The following ASMTL variants were observed in gnomAD, a reference collection of about 807,000 sequenced individuals.
ASMTL encodes probable bifunctional dTTP/UTP pyrophosphatase/methyltransferase protein.
A neutral mutation model predicts 60.3 loss-of-function variants in ASMTL; 57 were observed. The observed-to-expected ratio is 0.95, with a 90% CI of 0.76 to 1.18. The LOEUF (loss-of-function observed/expected upper bound fraction) is 1.18. Among genes scored for constraint, ASMTL ranks in the 50% most tolerant of loss-of-function variants. ASMTL has a pLI of 0.00. For synonymous variants in ASMTL, 419 were observed against 373.0 expected (o/e 1.12, Z -1.42); for missense variants, 981 against 852.6 (o/e 1.15, Z -1.88).
chrX:1,432,244 T>TCC, intron 6 of ASMTL, 25 bp downstream of exon 6: 3 of 1,559,290 alleles, frequency 1.9e-6, no homozygotes, highest in Non-Finnish European at 2.6e-6. Flanking sequence ...GTGTCCCCCG[T>TCC]CCCCCCACCG....
intron 1 of ASMTL, among the ~76,000 whole-genome samples, chrX:1,448,674 C>T (rs1167650724): frequency 6.6e-6 from 1 of 151,466 alleles, no homozygotes; most frequent in Non-Finnish European, 1.5e-5. Flanking sequence ...TGGAGACACA[C>T]CATCTTGGAC....
At chrX:1,443,969 T>G (rs1162135014) in intron 1 of ASMTL, among the ~76,000 whole-genome samples, 1 of 152,196 alleles carries the variant, frequency 6.6e-6, no homozygotes, top group African/African-American at 2.4e-5. Flanking sequence ...GGACACACAC[T>G]TCCATTTTAA....
intron 9 of ASMTL, among the ~76,000 whole-genome samples, 182 bp downstream of exon 9, chrX:1,421,476 C>A (rs1293295715): frequency 6.6e-6 from 1 of 152,144 alleles, no homozygotes; most frequent in African/African-American, 2.4e-5. Flanking sequence ...CTAAGTTGCA[C>A]CTGTTCCAGG....
In ASMTL at chrX:1,430,775, AAAAT is replaced by A. The variant is rs1466951854; in HGVS notation, c.509+1490_509+1493del. On this transcript the variant is annotated intron_variant, in intron 6 of 12. Coordinates refer to ENST00000381317, the MANE Select transcript of ASMTL (RefSeq NM_004192.4). ...TGACAGAGTGAGACCGTGTCTCAAA[AAAAT>A]AAATAAAATTATTTATATAAATATA... is the stretch of plus-strand genomic sequence containing the variant. 1.4e-4 allele frequency among the ~76,000 whole-genome samples: 21 copies of A among 146,710 alleles called. No homozygotes were observed. In the East Asian group the frequency reaches 3.5e-3, roughly 24 times the overall value.
chrX:1,435,557 C>A, intron 4 of ASMTL, 137 bp downstream of exon 4: 1 of 812,374 alleles, frequency 1.2e-6, no homozygotes, highest in Non-Finnish European at 2.1e-6. Flanking sequence ...ATAGCTCAGA[C>A]AGCACAGCTC....
rs2090919863 is a variant in ASMTL at position 1,434,907 on chromosome X, C to T, written c.400+115G>A. 5 of 1,100,688 alleles carry T rather than the reference C, an allele frequency of 4.5e-6. No homozygotes were observed. In the East Asian group the frequency reaches 1.2e-4, roughly 27 times the overall value. The allele number at this position is 1,100,688 out of a possible 1,614,324, so 68.2% of individuals were successfully genotyped here. A position where few individuals can be genotyped will look rare whatever the true frequency, so the allele number is the denominator to read the frequency against. On this transcript the variant is annotated intron_variant, in intron 5 of 12. Coordinates refer to ENST00000381317, the MANE Select transcript of ASMTL (RefSeq NM_004192.4). ...TCCCAAGCAGGACATAGGCACAAAC[C>T]CCTCCACAGGTGGGGGTGAGCAACC...
chrX:1,416,774 GACGT>G (rs2090293245), intron 11 of ASMTL, among the ~76,000 whole-genome samples: 2 of 75,250 alleles, frequency 2.7e-5, no homozygotes, highest in African/African-American at 4.4e-5. Context: ...TGCACACACA[GACGT>G]ACACACAAGC....
At chrX:1,431,295 A>G (rs1208269661) in intron 6 of ASMTL, among the ~76,000 whole-genome samples, 39 of 131,628 alleles carry the variant, frequency 3.0e-4, no homozygotes, top group African/African-American at 1.1e-3. Flanking sequence ...AATTAAATAT[A>G]TAAAATATAT....
chrX:1,418,470 G>C (rs56380419), intron 10 of ASMTL, among the ~76,000 whole-genome samples: 1 of 151,874 alleles, frequency 6.6e-6, no homozygotes, highest in East Asian at 1.9e-4. Context: ...CAGGGGTGGG[G>C]GCTGTACTCC....
intron 5 of ASMTL, among the ~76,000 whole-genome samples, chrX:1,432,691 T>C (rs2090831132): frequency 6.6e-6 from 1 of 151,616 alleles, no homozygotes; most frequent in Non-Finnish European, 1.5e-5. Flanking sequence ...TAGCCAGGCC[T>C]GGTAGTAGGT....
chrX:1,415,819 C>T (rs1298863412), intron 11 of ASMTL, among the ~76,000 whole-genome samples: 9 of 152,190 alleles, frequency 5.9e-5, no homozygotes, highest in African/African-American at 4.8e-5. Flanking sequence ...CAGAGAGACA[C>T]GCACAGGCAG....
chrX:1,428,267 A>G, intron 6 of ASMTL, 146 bp from the exon 7 acceptor site: 1 of 1,005,612 alleles, frequency 9.9e-7, no homozygotes, highest in Non-Finnish European at 1.4e-6. Flanking sequence ...CCCTGTCTCT[A>G]CTAAAAAAAA....
In ASMTL at chrX:1,417,996, G is replaced by T; in HGVS notation, c.1499C>A (p.Ala500Glu). Residue 500 changes from alanine to glutamate, a missense_variant, in exon 11 of 13, where the codon GCA becomes GAA. Ala to Glu is a moderately radical substitution (Grantham distance 107). Coordinates refer to ENST00000381317, the MANE Select transcript of ASMTL (RefSeq NM_004192.4). ...ACCTGCTGCGAAGTGGATCTGCACT[G>T]CCTGCGGTCCGGGGGGTTGGAAGTG... ...AAHFQPPGPQ[A>E]VQIHFAAGDF... 6.2e-7 allele frequency: 1 copy of T among 1,612,918 alleles called. No homozygotes were observed. The highest frequency in any genetic ancestry group is 1.1e-5 in the South Asian group (1 of 90,902).
At chrX:1,449,190 C>T (rs1447822717) in intron 1 of ASMTL, among the ~76,000 whole-genome samples, 2 of 152,106 alleles carry the variant, frequency 1.3e-5, no homozygotes, top group African/African-American at 2.4e-5. Context: ...CCAGAAGCCC[C>T]GCTCAGGCTT....
At chrX:1,433,352 G>C (rs1457748247) in intron 5 of ASMTL, among the ~76,000 whole-genome samples, 2 of 151,590 alleles carry the variant, frequency 1.3e-5, no homozygotes, top group South Asian at 2.1e-4. Flanking sequence ...GGATGATGTC[G>C]TTAATCCTGG....
Position 1,443,486 on chromosome X carries a change from G to A in ASMTL, c.94-1169C>T, listed in dbSNP as rs777995475. Among the ~76,000 whole-genome samples the A allele has an allele frequency of 9.5e-4, 143 of 150,036 alleles. 1 individual carries two copies. The highest frequency in any genetic ancestry group is 3.4e-4 in the Non-Finnish European group (23 of 67,758). ...CACACCACCATCGTGGACACATGCC[G>A]CCATCTTGGCCATCATGGACACAGT... On this transcript the variant is annotated intron_variant, in intron 1 of 12. Coordinates refer to ENST00000381317, the MANE Select transcript of ASMTL (RefSeq NM_004192.4).
chrX:1,442,141 C>T lies in ASMTL; in HGVS notation c.225+45G>A, dbSNP rs377122524. 2.0e-4 allele frequency: 316 copies of T among 1,603,544 alleles called. 1 individual carries two copies. The highest frequency in any genetic ancestry group is 8.3e-4 in the Middle Eastern group (4 of 4,828). ...TTACCACCCGCAAATCCCCTCATCA[C>T]AGCAAAGGAATTTTCATAAGGGCCG... is the stretch of plus-strand genomic sequence containing the variant. On this transcript the variant is annotated intron_variant, in intron 2 of 12. Coordinates refer to ENST00000381317, the MANE Select transcript of ASMTL (RefSeq NM_004192.4).
chrX:1,416,926 A>G (rs1264962198), intron 11 of ASMTL, among the ~76,000 whole-genome samples: 3 of 151,914 alleles, frequency 2.0e-5, no homozygotes, highest in Non-Finnish European at 4.4e-5. Flanking sequence ...AGAGGTGCAC[A>G]CACACACACG....
chrX:1,450,123 T>C (rs1422175408), intron 1 of ASMTL, among the ~76,000 whole-genome samples: 3 of 150,246 alleles, frequency 2.0e-5, no homozygotes, highest in Non-Finnish European at 4.4e-5. Flanking sequence ...ATCACCCCAT[T>C]ACCAGTAACT....
Sources: gnomAD v4.1 joint callset for allele counts (sites outside exome capture counted in the v4.1 genomes callset) on GRCh38, gnomAD v4.1.1 for gene constraint, MANE v1.5 for transcripts, NCBI Gene and HGNC (gene_info 2026-07-23, HGNC 2026-07-21) for gene names.